The following BAZ1A variants were observed in gnomAD, a reference collection of about 807,000 sequenced individuals.
BAZ1A encodes bromodomain adjacent to zinc finger domain 1A.
In BAZ1A, 50 loss-of-function variants were observed where a neutral mutation model predicts 185.2. The observed-to-expected ratio is 0.27, with a 90% confidence interval of 0.22 to 0.34. BAZ1A has a LOEUF of 0.34. Among genes scored for constraint, BAZ1A ranks in the 10% least tolerant of loss-of-function variants. The probability of loss-of-function intolerance (pLI) is 1.00; values close to 1 mark genes in which losing one functional copy is unlikely to be tolerated. For synonymous variants in BAZ1A, 571 were observed against 615.6 expected, an observed-to-expected ratio of 0.93 and a Z score of 1.07; for missense variants, 1,356 against 1,839.9, an observed-to-expected ratio of 0.74 and a Z score of 4.81.
intron 4 of BAZ1A, among the ~76,000 whole-genome samples, chr14:34,821,367 GAATAAATGAATAAA>G (rs1020107459): frequency 2.0e-5 from 3 of 152,112 alleles, no homozygotes; most frequent in African/African-American, 4.8e-5. Context: ...AAATGTTAAT[GAATAAATGAATAAA>G]AATAAATGAA....
intron 3 of BAZ1A, among the ~76,000 whole-genome samples, chr14:34,827,002 A>G (rs1161330099): frequency 3.3e-5 from 5 of 152,154 alleles, no homozygotes; most frequent in African/African-American, 1.2e-4. Flanking sequence ...TTGGACATCA[A>G]CAACTCCAGG....
In BAZ1A at chr14:34,870,509, T is replaced by C. The variant is rs142311961; in HGVS notation, c.113+3983A>G. ...GACATTCTTCCCTACTATAAATTGA[T>C]GATGTTCTGATATGTCCATTGAATA... On this transcript the variant is annotated intron_variant, in intron 2 of 26. Transcript: ENST00000360310. Among the ~76,000 whole-genome samples, 26 of 152,310 alleles carry C rather than the reference T, an allele frequency of 1.7e-4. 1 individual carries two copies. In the East Asian group the frequency reaches 5.0e-3, roughly 29 times the overall value.
At chr14:34,776,649 T>C (rs192847262) in intron 17 of BAZ1A, 134 bp from the exon 18 acceptor site, 3 of 688,878 alleles carry the variant, frequency 4.4e-6, no homozygotes, top group African/African-American at 3.6e-5. Context: ...CCCAAGTTCA[T>C]ATGTTGAAGC....
chr14:34,847,360 T>C (rs749170208), intron 3 of BAZ1A, among the ~76,000 whole-genome samples: 18 of 151,936 alleles, frequency 1.2e-4, no homozygotes, highest in South Asian at 4.1e-4. Context: ...TTCAGTAGTA[T>C]ATACAGAAGG....
intron 26 of BAZ1A, 105 bp from the exon 27 acceptor site, chr14:34,753,809 A>G: frequency 9.8e-7 from 1 of 1,015,532 alleles, no homozygotes; most frequent in Non-Finnish European, 1.4e-6. Context: ...ATGGAAGCCC[A>G]CTTTTTTCTT....
rs1298817251 is a variant in BAZ1A, at chr14:34,762,139, T to C, written c.3861A>G (p.Gln1287=). 4 of 1,614,112 alleles carry C rather than the reference T, an allele frequency of 2.5e-6. No individual in the cohort carries two copies. In the Admixed American group the frequency reaches 6.7e-5, roughly 27 times the overall value. Residue 1287 remains glutamine (Q), a synonymous_variant, in exon 24 of 27, where the codon CAA becomes CAG. Coordinates refer to ENST00000360310, the MANE Select transcript of BAZ1A (RefSeq NM_013448.3). ...AAGGGTATCTTCCAGGTTCTTGTTG[T>C]TGGCCACGACTTGAGAAAGAAGAGC... ...KLSSSFSSRG[Q]QQEPGRYPSR...
chr14:34,776,315 G>A lies in BAZ1A; in HGVS notation c.2437C>T (p.Arg813Ter). 1.2e-6 allele frequency: 2 copies of A among 1,614,048 alleles called. No individual in the cohort carries two copies. Among genetic ancestry groups the A allele is most frequent in the Non-Finnish European group, 1.7e-6 (2 of 1,179,996 alleles). ...FPLGRDRMYR[R>*]YWIFPSIPGL... is the part of the protein sequence containing the mutation. ...GGAATAGAAGGGAAAATCCAGTATC[G>A]TCTATACATGCGGTCGCGACCCAAG... The change falls in exon 18 of 27, where the codon CGA becomes TGA. Residue 813 changes from arginine to a stop codon, truncating the protein, a stop_gained. Transcript: ENST00000360310. LOFTEE classifies it high-confidence loss of function.
At chr14:34,783,286 T>C in intron 15 of BAZ1A, 54 bp from the exon 16 acceptor site, 1 of 1,040,358 alleles carries the variant, frequency 9.6e-7, no homozygotes, top group Non-Finnish European at 1.4e-6. Context: ...TACATTTCAC[T>C]TTTAGCATCT....
intron 21 of BAZ1A, among the ~76,000 whole-genome samples, chr14:34,767,243 A>C (rs1878911044): frequency 6.6e-6 from 1 of 152,170 alleles, no homozygotes; most frequent in Non-Finnish European, 1.5e-5. Context: ...TCAACTATCC[A>C]AAACTGTATC....
chr14:34,814,188 T>A (rs2041972262), intron 4 of BAZ1A, among the ~76,000 whole-genome samples: 1 of 151,876 alleles, frequency 6.6e-6, no homozygotes, highest in African/African-American at 2.4e-5. Flanking sequence ...CCACTACCAT[T>A]TTATAAGAGC....
chr14:34,771,285 C>T (rs908506100), intron 21 of BAZ1A: 2 of 427,258 alleles, frequency 4.7e-6, no homozygotes, highest in Non-Finnish European at 8.2e-6. Context: ...AGGCATGAGC[C>T]ACTGTGCCTA....
At chr14:34,828,198 AAGG>A (rs1255897221) in intron 3 of BAZ1A, among the ~76,000 whole-genome samples, 2 of 149,602 alleles carry the variant, frequency 1.3e-5, no homozygotes, top group African/African-American at 2.5e-5. Flanking sequence ...GAGGCTGAGG[AAGG>A]AGAATGGCTT....
intron 2 of BAZ1A, among the ~76,000 whole-genome samples, chr14:34,871,800 G>A (rs1008015147): frequency 1.3e-5 from 2 of 152,216 alleles, no homozygotes; most frequent in Admixed American, 6.5e-5. Flanking sequence ...GAACCCGGGA[G>A]GCAGAGGTTG....
At chr14:34,798,602 A>G (rs1389077061) in intron 9 of BAZ1A, among the ~76,000 whole-genome samples, 2 of 152,220 alleles carry the variant, frequency 1.3e-5, no homozygotes, top group Non-Finnish European at 2.9e-5. Flanking sequence ...TTCTCAAAAG[A>G]AGACATTTAT....
chr14:34,824,659 T>C (rs2042140130), intron 4 of BAZ1A, among the ~76,000 whole-genome samples: 1 of 152,208 alleles, frequency 6.6e-6, no homozygotes. Flanking sequence ...TCTCAAATGC[T>C]AGTTATAGCT....
intron 6 of BAZ1A, 85 bp downstream of exon 6, chr14:34,807,366 A>G: frequency 1.1e-6 from 1 of 919,942 alleles, no homozygotes; most frequent in Non-Finnish European, 1.6e-6. Flanking sequence ...TCATCTTTGA[A>G]ATAACATTTC....
rs1031308685 is a variant in BAZ1A at position 34,874,192 on chromosome 14, C to G, written c.113+300G>C. Among the ~76,000 whole-genome samples, 1 of 151,968 alleles carries G rather than the reference C, an allele frequency of 6.6e-6. No individual in the cohort carries two copies. The highest frequency in any genetic ancestry group is 6.5e-5 in the Admixed American group (1 of 15,278). On this transcript the variant is annotated intron_variant, in intron 2 of 26. Transcript: ENST00000360310. The surrounding 1 kb of genome is among the most constrained non-coding windows in gnomAD (Gnocchi z 4.7). The stretch of plus-strand genomic sequence containing the variant: ...GGGGCGAGGCGGGGAGTTTCCGCCG[C>G]CCCGCGGCCAAGAGGGCGGGAGGGC...
At chr14:34,773,826 T>C in intron 19 of BAZ1A, 100 bp from the exon 20 acceptor site, 1 of 1,194,474 alleles carries the variant, frequency 8.4e-7, no homozygotes, top group Non-Finnish European at 1.2e-6. Context: ...CATGGATATT[T>C]TAGAAATGAT....
intron 3 of BAZ1A, among the ~76,000 whole-genome samples, chr14:34,838,527 C>T (rs1594890820): frequency 6.9e-6 from 1 of 145,954 alleles, no homozygotes; most frequent in Non-Finnish European, 1.5e-5. Context: ...CTATTTTTTT[C>T]TTTTTTTTTT....
Sources: allele counts gnomAD v4.1 joint callset (sites outside exome capture counted in the v4.1 genomes callset), GRCh38; gene constraint gnomAD v4.1.1; non-coding constraint Gnocchi (gnomAD v3.1); transcripts MANE v1.5; gene names NCBI Gene and HGNC (gene_info 2026-07-23, HGNC 2026-07-21).